SORBS3: variants seen among roughly 807,000 people sequenced by gnomAD.
SORBS3 encodes the protein sorbin and SH3 domain containing 3.
In SORBS3, 69 loss-of-function variants were observed where a neutral mutation model predicts 98.0. The ratio of observed to expected loss-of-function variants is 0.70; its 90% confidence interval spans 0.58 to 0.86. The LOEUF (loss-of-function observed/expected upper bound fraction) is 0.86. Ranked by LOEUF, SORBS3 falls within the 40% of genes least tolerant of loss-of-function variation. SORBS3 has a pLI of 0.00. For synonymous variants in SORBS3, 394 were observed against 355.4 expected (o/e 1.11, Z -1.22); for missense variants, 954 against 908.5 (o/e 1.05, Z -0.64).
chr8:22,560,056 CAA>C (rs968530613), intron 5 of SORBS3, among the ~76,000 whole-genome samples: 23 of 96,646 alleles, frequency 2.4e-4, no homozygotes, highest in Non-Finnish European at 1.9e-4. Context: ...GACTCAGTCT[CAA>C]AAAAAAAAAA....
Position 22,552,008 on chromosome 8 carries a change from T to A in SORBS3, c.-70T>A. 1 of 984,714 alleles carries A rather than the reference T, an allele frequency of 1.0e-6. No individual in the cohort carries two copies. 61.0% of individuals were successfully genotyped at this position (984,714 alleles called of 1,614,324 possible). A position where few individuals can be genotyped will look rare whatever the true frequency, so the allele number is the denominator to read the frequency against. Reference sequence around the variant, plus strand: ...CCGGGCGGCCTCGGGCCCAGCCACCTGCTCGCCGGGGAAGGTAGGTCCGGG... The same window carrying A: ...CCGGGCGGCCTCGGGCCCAGCCACCAGCTCGCCGGGGAAGGTAGGTCCGGG... On this transcript the variant is annotated 5_prime_UTR_variant, in exon 1 of 21. Transcript: ENST00000240123.
intron 1 of SORBS3, among the ~76,000 whole-genome samples, chr8:22,552,771 G>T (rs891264766): frequency 6.6e-6 from 1 of 152,170 alleles, no homozygotes; most frequent in Non-Finnish European, 1.5e-5. Flanking sequence ...GCGAGGAGCC[G>T]ACCAGCTCCA....
intron 3 of SORBS3, 102 bp from the exon 4 acceptor site, chr8:22,556,612 AC>A: frequency 9.9e-7 from 1 of 1,013,368 alleles, no homozygotes; most frequent in Admixed American, 2.0e-5. Flanking sequence ...CGATGTTGAA[AC>A]TTTGAACCCA....
intron 10 of SORBS3, chr8:22,565,004 C>T (rs1840375175): frequency 1.4e-6 from 2 of 1,379,886 alleles, no homozygotes; most frequent in Non-Finnish European, 1.9e-6. Flanking sequence ...CACAACTTGG[C>T]AGAAACTGGC....
upstream of SORBS3, among the ~76,000 whole-genome samples, chr8:22,550,438 C>G (rs1840063347): frequency 6.6e-6 from 1 of 152,206 alleles, no homozygotes; most frequent in Non-Finnish European, 1.5e-5. Flanking sequence ...GACGTGTCCC[C>G]CAGTGGTCCC....
At position 22,570,982 on chromosome 8, in the gene SORBS3, C is replaced by T. The variant is rs200640859; in HGVS notation, c.1504C>T (p.Gln502Ter). Residue 502 changes from glutamine (Q) to a stop codon, truncating the protein, a stop_gained, in exon 18 of 21, where the codon CAA becomes TAA. Coordinates refer to ENST00000240123, the MANE Select transcript of SORBS3 (RefSeq NM_005775.5). LOFTEE classifies it high-confidence loss of function. Reference protein sequence around the residue: ...YEGRITGTGRQGIFPASYVQV... With the variant: ...YEGRITGTGR ...GGGACGCATCACGGGCACGGGGCGC[C>T]AAGGCATATTCCCTGCCAGCTACGT... 1 of 1,613,732 alleles carries T rather than the reference C, an allele frequency of 6.2e-7. No homozygotes were observed. The highest frequency in any genetic ancestry group is 8.5e-7 in the Non-Finnish European group (1 of 1,179,868).
At chr8:22,556,977 A>C (rs1016459683) in intron 4 of SORBS3, 69 bp downstream of exon 4, 3 of 1,549,794 alleles carry the variant, frequency 1.9e-6, no homozygotes, top group Non-Finnish European at 2.6e-6. Context: ...ACTTCTGTGC[A>C]TTAAAATGGG....
chr8:22,547,982 G>A (rs550302452), upstream of SORBS3, among the ~76,000 whole-genome samples: 168 of 152,296 alleles, frequency 1.1e-3, 1 homozygote, highest in African/African-American at 3.9e-3. Flanking sequence ...CATCATGCGT[G>A]TGCTATGGAA....
chr8:22,560,430 G>A (rs939005933), intron 5 of SORBS3, among the ~76,000 whole-genome samples: 5 of 152,098 alleles, frequency 3.3e-5, no homozygotes, highest in Admixed American at 6.6e-5. Context: ...GAGATGAGGC[G>A]GAACCAAAAA....
At chr8:22,561,165 C>T in intron 5 of SORBS3, 170 bp from the exon 6 acceptor site, 1 of 633,736 alleles carries the variant, frequency 1.6e-6, no homozygotes, top group Non-Finnish European at 2.6e-6. Context: ...TCAAGCCCTC[C>T]AGAGAGCTGC....
chr8:22,554,256 C>T lies in SORBS3; in HGVS notation c.-55-196C>T. 1 of 465,406 alleles carries T rather than the reference C, an allele frequency of 2.1e-6. No individual in the cohort carries two copies. Among genetic ancestry groups the T allele is most frequent in the Middle Eastern group, 6.2e-4 (1 of 1,622 alleles). The allele number at this position is 465,406 out of a possible 1,614,324, so 28.8% of individuals were successfully genotyped here. ...GGCCTAACAAGTGGTCCATTGTGCC[C>T]CTGGGAGCCGGCAGGCACGGGCAGC... On this transcript the variant is annotated intron_variant, in intron 1 of 20. Coordinates refer to ENST00000240123, the MANE Select transcript of SORBS3 (RefSeq NM_005775.5). This position sits in a 1 kb window ranked among gnomAD's most constrained non-coding sequence, Gnocchi z 6.5.
chr8:22,557,804 CCT>C (rs1259796572), intron 4 of SORBS3, among the ~76,000 whole-genome samples: 1 of 152,124 alleles, frequency 6.6e-6, no homozygotes, highest in African/African-American at 2.4e-5. Flanking sequence ...CACAGGAGAC[CCT>C]GTCTCCCCAC....
chr8:22,558,262 G>C, intron 5 of SORBS3, 70 bp downstream of exon 5: 1 of 1,442,374 alleles, frequency 6.9e-7, no homozygotes, highest in Non-Finnish European at 9.8e-7. Context: ...GAGAGACAGG[G>C]AAAGAAAAGG....
chr8:22,565,091 G>A, intron 10 of SORBS3, 177 bp from the exon 11 acceptor site: 1 of 1,437,340 alleles, frequency 7.0e-7, no homozygotes, highest in South Asian at 1.5e-5. Context: ...GCCGTGGCGG[G>A]GATGCCCTCT....
intron 12 of SORBS3, 166 bp downstream of exon 12, chr8:22,566,038 C>T (rs564614042): frequency 1.3e-3 from 716 of 572,358 alleles, no homozygotes; most frequent in Non-Finnish European, 1.7e-3. Flanking sequence ...CTCTGCGGGG[C>T]GCCGTTCCCG....
intron 20 of SORBS3, among the ~76,000 whole-genome samples, chr8:22,574,395 A>AG (rs946353630): frequency 8.8e-5 from 9 of 101,734 alleles, no homozygotes; most frequent in Admixed American, 3.1e-4. Flanking sequence ...TTTGCGGAGG[A>AG]GGGGGGGAGT....
chr8:22,566,334 G>A lies in SORBS3; in HGVS notation c.951-11G>A, dbSNP rs1318249716. 6.2e-7 allele frequency: 1 copy of A among 1,612,028 alleles called. No homozygotes were observed. Among genetic ancestry groups the A allele is most frequent in the Admixed American group, 1.7e-5 (1 of 59,924 alleles). On this transcript the variant is annotated splice_polypyrimidine_tract_variant and intron_variant, in intron 12 of 20. Transcript: ENST00000240123. ...CCCAGGCTGGAGGCTCAGTCTCTGT[G>A]CCCCGTGCAGCCCGGCCTCAGCCTG...
intron 8 of SORBS3, 27 bp from the exon 9 acceptor site, chr8:22,564,256 A>T (rs780699311): frequency 1.9e-5 from 30 of 1,564,846 alleles, no homozygotes; most frequent in Non-Finnish European, 2.5e-5. Context: ...CCTCTTCACA[A>T]GCTGACACCC....
chr8:22,564,919 C>T, intron 10 of SORBS3: 2 of 1,289,930 alleles, frequency 1.6e-6, no homozygotes, highest in Non-Finnish European at 2.0e-6. Context: ...TGGATGGGCA[C>T]AGTGAAGCCA....
Sources: allele counts gnomAD v4.1 joint callset (sites outside exome capture counted in the v4.1 genomes callset), GRCh38; gene constraint gnomAD v4.1.1; non-coding constraint Gnocchi (gnomAD v3.1); transcripts MANE v1.5; gene names NCBI Gene and HGNC (gene_info 2026-07-23, HGNC 2026-07-21).